The following NUP153 variants were observed in gnomAD, a reference collection of about 807,000 sequenced individuals.
The protein encoded by NUP153 is nucleoporin 153.
NUP153 carries 27 observed loss-of-function variants against 134.6 expected under a neutral mutation model. That is an observed-to-expected ratio of 0.20 (90% CI 0.15 to 0.28). The LOEUF (loss-of-function observed/expected upper bound fraction) is 0.28, where lower values mean the gene tolerates loss of function less well. Ranked by LOEUF, NUP153 falls within the 10% of genes least tolerant of loss-of-function variation. The probability of loss-of-function intolerance (pLI) is 1.00; values close to 1 mark genes in which losing one functional copy is unlikely to be tolerated. For missense variants in NUP153, 1,821 were observed against 1,731.3 expected (o/e 1.05, Z -0.92); for synonymous variants, 640 against 623.5 (o/e 1.03, Z -0.40).
At chr6:17,703,920 C>T (rs1050547093) in intron 1 of NUP153, among the ~76,000 whole-genome samples, 28 of 152,302 alleles carry the variant, frequency 1.8e-4, no homozygotes, top group Admixed American at 1.8e-3. Flanking sequence ...AACTCTAAGA[C>T]ACCTTGGATC....
intron 8 of NUP153, among the ~76,000 whole-genome samples, chr6:17,665,886 G>T (rs756386059): frequency 6.6e-6 from 1 of 151,348 alleles, no homozygotes; most frequent in Non-Finnish European, 1.5e-5. Flanking sequence ...ACAGGGTCTC[G>T]CCATGTTGCT....
At chr6:17,645,921 TTAAA>T (rs1766148302) in intron 14 of NUP153, 142 bp downstream of exon 14, 1 of 424,596 alleles carries the variant, frequency 2.4e-6, no homozygotes, top group Admixed American at 4.2e-5. Context: ...GTCAAAAAGG[TTAAA>T]TAATAGTGCC....
At position 17,706,136 on chromosome 6, in the gene NUP153, T is replaced by C. The variant is rs1291921309; in HGVS notation, c.111+141A>G. 4.4e-6 allele frequency: 3 copies of C among 679,314 alleles called. No homozygotes were observed. In the African/African-American group the frequency reaches 5.5e-5, roughly 12 times the overall value. The allele number at this position is 679,314 out of a possible 1,614,324, so 42.1% of individuals were successfully genotyped here. ...CTTCCCGTCGCCACCCCCAACGGCCTGAGCTCCCCCGGAGCCTCACTCGGG... is the reference window on the plus strand; with the variant it reads ...CTTCCCGTCGCCACCCCCAACGGCCCGAGCTCCCCCGGAGCCTCACTCGGG... On this transcript the variant is annotated intron_variant, in intron 1 of 21. Transcript: ENST00000262077. This position sits in a 1 kb window ranked among gnomAD's most constrained non-coding sequence, Gnocchi z 5.9.
intron 1 of NUP153, among the ~76,000 whole-genome samples, chr6:17,701,828 G>A (rs1256119461): frequency 9.6e-5 from 7 of 73,218 alleles, no homozygotes; most frequent in Admixed American, 7.1e-4. Flanking sequence ...GCAAGACTCT[G>A]TCTCGGGGGG....
chr6:17,658,951 G>A (rs79483981), intron 11 of NUP153, among the ~76,000 whole-genome samples: 411 of 152,210 alleles, frequency 2.7e-3, no homozygotes, highest in South Asian at 0.01. Context: ...GAATCCCAGC[G>A]AAACCACTAC....
chr6:17,661,095 A>T (rs961220986), intron 11 of NUP153, among the ~76,000 whole-genome samples: 3 of 152,148 alleles, frequency 2.0e-5, no homozygotes, highest in African/African-American at 4.8e-5. Context: ...CAGGTGGATC[A>T]CTTGACATCA....
chr6:17,701,675 A>AG (rs1376628584), intron 1 of NUP153, among the ~76,000 whole-genome samples: 1 of 150,878 alleles, frequency 6.6e-6, no homozygotes, highest in East Asian at 1.9e-4. Flanking sequence ...AAAAAAAAAA[A>AG]ATACAAAAAT....
chr6:17,619,323 C>G (rs1262950352), intron 20 of NUP153, among the ~76,000 whole-genome samples: 1 of 152,162 alleles, frequency 6.6e-6, no homozygotes, highest in Admixed American at 6.5e-5. Context: ...ATCCCTGAAC[C>G]CTCAAGAATC....
chr6:17,669,580 A>G, intron 5 of NUP153, 34 bp from the exon 6 acceptor site: 1 of 1,375,758 alleles, frequency 7.3e-7, no homozygotes, highest in Non-Finnish European at 1.0e-6. Flanking sequence ...TTGTTGCAAC[A>G]TAAAATCTAA....
intron 2 of NUP153, among the ~76,000 whole-genome samples, chr6:17,686,152 AAAAAG>A (rs958147498): frequency 7.9e-5 from 4 of 50,694 alleles, no homozygotes; most frequent in Admixed American, 6.5e-4. Context: ...TGTCTTTAAA[AAAAAG>A]AAAGAAAGAA....
intron 15 of NUP153, 33 bp downstream of exon 15, chr6:17,639,906 G>A (rs767801630): frequency 2.5e-6 from 4 of 1,569,386 alleles, no homozygotes; most frequent in Non-Finnish European, 3.5e-6. Context: ...TCATGAGTTT[G>A]TAATCAAAAG....
intron 8 of NUP153, among the ~76,000 whole-genome samples, chr6:17,666,716 T>C (rs570655175): frequency 1.8e-4 from 28 of 152,342 alleles, no homozygotes; most frequent in Admixed American, 2.6e-4. Context: ...ACACCAACTG[T>C]TTTGTTAACA....
At chr6:17,659,994 T>C (rs765567823) in intron 11 of NUP153, among the ~76,000 whole-genome samples, 2 of 152,056 alleles carry the variant, frequency 1.3e-5, no homozygotes, top group African/African-American at 2.4e-5. Flanking sequence ...AGACCAGCAA[T>C]AGAGCCAAGT....
At chr6:17,651,963 C>T (rs1296320348) in intron 11 of NUP153, 9 of 592,312 alleles carry the variant, frequency 1.5e-5, no homozygotes, top group African/African-American at 1.4e-4. Flanking sequence ...GGTATGATGG[C>T]ACATGCCTGT....
intron 13 of NUP153, 85 bp from the exon 14 acceptor site, chr6:17,646,239 A>C: frequency 1.5e-6 from 1 of 657,496 alleles, no homozygotes. Context: ...ACGGAGTCTT[A>C]CTCTGTCGCC....
intron 1 of NUP153, among the ~76,000 whole-genome samples, chr6:17,697,386 T>G (rs960247505): frequency 6.6e-6 from 1 of 152,144 alleles, no homozygotes; most frequent in Admixed American, 6.5e-5. Context: ...ATATTTAACC[T>G]GAGTTGAAGG....
At chr6:17,665,584 T>C (rs1189519174) in intron 8 of NUP153, among the ~76,000 whole-genome samples, 199 bp from the exon 9 acceptor site, 2 of 152,164 alleles carry the variant, frequency 1.3e-5, no homozygotes, top group East Asian at 3.9e-4. Flanking sequence ...CACATAAATA[T>C]ACACACATAT....
rs932423359 is a variant in NUP153, at chr6:17,698,665, G to A, written c.111+7612C>T. Among the ~76,000 whole-genome samples, 8 of 151,302 alleles carry A rather than the reference G, an allele frequency of 5.3e-5. No homozygotes were observed. The South Asian group carries it at 8.6e-4, about 16-fold the overall frequency. On this transcript the variant is annotated intron_variant, in intron 1 of 21. Coordinates refer to ENST00000262077, the MANE Select transcript of NUP153 (RefSeq NM_005124.4). Reference sequence around the variant, plus strand: ...AGGCAGGAGAATGGCGTGAACCCGGGAGGCAGAGCTTGCAGTGAGCCGAGA... The same window carrying A: ...AGGCAGGAGAATGGCGTGAACCCGGAAGGCAGAGCTTGCAGTGAGCCGAGA...
rs11759047 is a variant in NUP153, at chr6:17,618,756, T to C, written c.4175-2061A>G. Among the ~76,000 whole-genome samples, 1,462 of 152,104 alleles carry C rather than the reference T, an allele frequency of 9.6e-3. 8 individuals are homozygous for C. Among genetic ancestry groups the C allele is most frequent in the South Asian group, 0.014 (69 of 4,826 alleles). On this transcript the variant is annotated intron_variant, in intron 20 of 21. Transcript: ENST00000262077. ...AATTTTTTGTATTTCTTAGTAGAGA[T>C]GGGGTTTCACCGTGTTAGCCAGGAT...
Sources: gnomAD v4.1 joint callset for allele counts (sites outside exome capture counted in the v4.1 genomes callset) on GRCh38, gnomAD v4.1.1 for gene constraint, Gnocchi (gnomAD v3.1) non-coding constraint, MANE v1.5 for transcripts, NCBI Gene and HGNC (gene_info 2026-07-23, HGNC 2026-07-21) for gene names.